SEC63: variants seen among roughly 807,000 people sequenced by gnomAD.
The protein encoded by SEC63 is translocation protein SEC63 homolog.
A neutral mutation model predicts 116.2 loss-of-function variants in SEC63; 56 were observed. That is an observed-to-expected ratio of 0.48 (90% CI 0.39 to 0.60). The LOEUF is 0.60. Among genes scored for constraint, SEC63 ranks in the 20% least tolerant of loss-of-function variants. The pLI, the probability that SEC63 is intolerant of heterozygous loss-of-function variation, is 0.00. For missense variants in SEC63, 668 were observed against 900.0 expected (o/e 0.74, Z 3.30); for synonymous variants, 273 against 294.6 (o/e 0.93, Z 0.75).
chr6:107,873,013 T>A (rs959155903), intron 19 of SEC63, 101 bp from the exon 20 acceptor site: 22 of 751,042 alleles, frequency 2.9e-5, no homozygotes, highest in Admixed American at 2.4e-4. Context: ...AGGTTTTTTC[T>A]GCAGATGATA....
At chr6:107,895,557 T>A (rs555163997) in intron 14 of SEC63, among the ~76,000 whole-genome samples, 48 of 151,448 alleles carry the variant, frequency 3.2e-4, no homozygotes, top group South Asian at 2.7e-3. Context: ...AAGAAAAAAA[T>A]ATATATATGT....
intron 1 of SEC63, among the ~76,000 whole-genome samples, chr6:107,937,762 T>C (rs1310603135): frequency 6.6e-6 from 1 of 152,176 alleles, no homozygotes; most frequent in Non-Finnish European, 1.5e-5. Context: ...TCTCTCACTG[T>C]GGTTTTGATT....
chr6:107,889,344 A>T (rs1171717623), intron 16 of SEC63, among the ~76,000 whole-genome samples: 2 of 152,048 alleles, frequency 1.3e-5, no homozygotes, highest in African/African-American at 2.4e-5. Flanking sequence ...TCAGGAATTT[A>T]TCCATTTCTT....
chr6:107,905,714 C>T (rs1320436420), intron 10 of SEC63, among the ~76,000 whole-genome samples: 2 of 152,040 alleles, frequency 1.3e-5, no homozygotes, highest in African/African-American at 4.8e-5. Flanking sequence ...GTTGTGAAAT[C>T]CATTTTGCTC....
intron 4 of SEC63, among the ~76,000 whole-genome samples, chr6:107,917,628 A>C (rs1158961835): frequency 6.6e-6 from 1 of 152,238 alleles, no homozygotes; most frequent in Non-Finnish European, 1.5e-5. Context: ...AAAAGTGAAC[A>C]CACAAATAAT....
intron 13 of SEC63, among the ~76,000 whole-genome samples, chr6:107,901,136 T>C (rs1177081916): frequency 6.6e-6 from 1 of 152,198 alleles, no homozygotes; most frequent in African/African-American, 2.4e-5. Flanking sequence ...GAACAGAGTG[T>C]TCAGACTTCA....
In SEC63 at chr6:107,921,898, T is replaced by C; in HGVS notation, c.351A>G (p.Val117=). The C allele has an allele frequency of 6.3e-7, 1 of 1,575,456 alleles. No homozygotes were observed. The highest frequency in any genetic ancestry group is 8.6e-7 in the Non-Finnish European group (1 of 1,158,904). Residue 117 remains valine (V), a synonymous_variant, in exon 4 of 21, where the codon GTA becomes GTG. Transcript: ENST00000369002. ...AACGATATTGTTTTTTAATTTCTGC[T>C]ACTGTGGCTCCCTGGGGAAAAACAA... ...EVLNLDPGAT[V]AEIKKQYRLL... is the part of the protein sequence containing the mutation.
At chr6:107,936,042 T>C (rs1004221350) in intron 1 of SEC63, among the ~76,000 whole-genome samples, 1 of 152,224 alleles carries the variant, frequency 6.6e-6, no homozygotes, top group Non-Finnish European at 1.5e-5. Context: ...CTTTCAAGTA[T>C]AAAATCAAGG....
intron 19 of SEC63, 133 bp downstream of exon 19, chr6:107,876,431 T>C (rs901422496): frequency 1.1e-5 from 7 of 662,198 alleles, no homozygotes; most frequent in Non-Finnish European, 1.6e-5. Context: ...AGAGAACAGT[T>C]ACAAAATGCA....
At chr6:107,876,530 G>T in intron 19 of SEC63, 34 bp downstream of exon 19, 1 of 1,276,236 alleles carries the variant, frequency 7.8e-7, no homozygotes, top group Non-Finnish European at 1.1e-6. Flanking sequence ...GCTGTGCCTT[G>T]TTAAACACTG....
intron 1 of SEC63, 179 bp downstream of exon 1, chr6:107,957,707 G>A: frequency 2.1e-6 from 1 of 479,708 alleles, no homozygotes; most frequent in Non-Finnish European, 3.3e-6. Context: ...GTGGAGAAGC[G>A]CCGAGGGAAA....
chr6:107,953,905 A>G (rs1340780439), intron 1 of SEC63, among the ~76,000 whole-genome samples: 4 of 147,048 alleles, frequency 2.7e-5, no homozygotes, highest in Non-Finnish European at 6.0e-5. Flanking sequence ...GCCTCTCCTC[A>G]GCCGCCCCTA....
chr6:107,877,041 G>A, intron 18 of SEC63: 1 of 215,104 alleles, frequency 4.6e-6, no homozygotes, highest in Non-Finnish European at 9.1e-6. Flanking sequence ...CCACAAAGTT[G>A]GAGTGGAAGG....
rs182993095 is a variant in SEC63 at position 107,890,560 on chromosome 6, C to G, written c.1674+2922G>C. Among the ~76,000 whole-genome samples, 5 of 152,246 alleles carry G rather than the reference C, an allele frequency of 3.3e-5. No individual in the cohort carries two copies. In the East Asian group the frequency reaches 9.6e-4, roughly 29 times the overall value. On this transcript the variant is annotated intron_variant, in intron 16 of 20. Coordinates refer to ENST00000369002, the MANE Select transcript of SEC63 (RefSeq NM_007214.5). The stretch of plus-strand genomic sequence containing the variant: ...GTGTCTTTTAATTGGGGCATTTAGC[C>G]CATTTACATTTAAGGTTAATACTGT...
intron 4 of SEC63, among the ~76,000 whole-genome samples, chr6:107,916,904 A>C (rs1449566530): frequency 6.6e-6 from 1 of 152,218 alleles, no homozygotes; most frequent in African/African-American, 2.4e-5. Context: ...CAAATTGGGC[A>C]AATTACTAAC....
chr6:107,905,079 G>A (rs1287183584), intron 10 of SEC63, among the ~76,000 whole-genome samples: 1 of 152,126 alleles, frequency 6.6e-6, no homozygotes, highest in Admixed American at 6.5e-5. Flanking sequence ...AAATACAGGG[G>A]GAGAGATAAG....
chr6:107,904,532 C>T (rs564678408), intron 11 of SEC63, 97 bp downstream of exon 11: 2 of 893,110 alleles, frequency 2.2e-6, no homozygotes, highest in East Asian at 2.4e-5. Context: ...AACTGGCCGA[C>T]AGAAGTCTGA....
chr6:107,942,548 C>G (rs1770400088), intron 1 of SEC63, among the ~76,000 whole-genome samples: 1 of 152,180 alleles, frequency 6.6e-6, no homozygotes, highest in South Asian at 2.1e-4. Flanking sequence ...ACAAAAAACC[C>G]TGCTCTCAAA....
chr6:107,918,448 A>T (rs1787465635), intron 4 of SEC63, among the ~76,000 whole-genome samples: 1 of 152,184 alleles, frequency 6.6e-6, no homozygotes, highest in Non-Finnish European at 1.5e-5. Flanking sequence ...TGCACTGAGC[A>T]ATTTCAGAGG....
Sources: allele counts gnomAD v4.1 joint callset (sites outside exome capture counted in the v4.1 genomes callset), GRCh38; gene constraint gnomAD v4.1.1; transcripts MANE v1.5; gene names NCBI Gene and HGNC (gene_info 2026-07-23, HGNC 2026-07-21).